The following ARHGAP42 variants were observed in gnomAD, a reference collection of about 807,000 sequenced individuals.
ARHGAP42 encodes the protein Rho GTPase activating protein 42.
ARHGAP42 carries 63 observed loss-of-function variants against 125.0 expected under a neutral mutation model. The ratio of observed to expected loss-of-function variants is 0.50; its 90% CI spans 0.41 to 0.62. ARHGAP42 has a LOEUF of 0.62. ARHGAP42 is among the 20% of genes least tolerant of loss of function. The pLI is 0.00. For missense variants in ARHGAP42, 766 were observed against 1,024.2 expected (o/e 0.75, Z 3.44); for synonymous variants, 339 against 351.0 (o/e 0.97, Z 0.38).
chr11:100,804,563 T>C (rs1172333661), intron 3 of ARHGAP42, among the ~76,000 whole-genome samples: 1 of 151,090 alleles, frequency 6.6e-6, no homozygotes, highest in African/African-American at 2.4e-5. Context: ...TTTTTTTTTT[T>C]AGTCAGAGTC....
At chr11:100,689,511 A>C (rs886222995) in intron 1 of ARHGAP42, among the ~76,000 whole-genome samples, 1 of 152,220 alleles carries the variant, frequency 6.6e-6, no homozygotes, top group African/African-American at 2.4e-5. Flanking sequence ...TGACATGTAC[A>C]TTATATTACG....
intron 3 of ARHGAP42, 56 bp from the exon 4 acceptor site, chr11:100,859,498 A>T: frequency 1.4e-6 from 2 of 1,429,598 alleles, no homozygotes; most frequent in African/African-American, 2.9e-5. Context: ...CCATTTTTTC[A>T]ATGTTGTTGG....
chr11:100,978,553 A>G (rs1051927850), intron 21 of ARHGAP42, among the ~76,000 whole-genome samples: 13 of 150,904 alleles, frequency 8.6e-5, no homozygotes, highest in Non-Finnish European at 1.3e-4. Flanking sequence ...TATTAAAAAA[A>G]TACATCAATA....
At chr11:100,961,790 G>A (rs1842146585) in intron 15 of ARHGAP42, 22 bp downstream of exon 15, 2 of 1,534,576 alleles carry the variant, frequency 1.3e-6, no homozygotes, top group African/African-American at 1.4e-5. Context: ...TTAACTCCTG[G>A]TACTCTGGAT....
At chr11:100,975,687 G>A (rs1046142863) in intron 19 of ARHGAP42, among the ~76,000 whole-genome samples, 14 of 152,222 alleles carry the variant, frequency 9.2e-5, no homozygotes, top group African/African-American at 3.1e-4. Flanking sequence ...TTGATTCCTT[G>A]TAATATCATG....
chr11:100,878,730 G>A (rs978896358), intron 4 of ARHGAP42, among the ~76,000 whole-genome samples: 8 of 152,008 alleles, frequency 5.3e-5, no homozygotes, highest in Admixed American at 3.3e-4. Flanking sequence ...TCCTCTCCCC[G>A]CCAAATTATA....
intron 1 of ARHGAP42, among the ~76,000 whole-genome samples, chr11:100,761,255 A>G (rs1428801819): frequency 6.6e-6 from 1 of 152,134 alleles, no homozygotes. Flanking sequence ...ACAAAGAGAA[A>G]CAGTATTGAG....
At chr11:100,987,719 C>T (rs752189252) in intron 23 of ARHGAP42, 127 bp downstream of exon 23, 95 of 847,332 alleles carry the variant, frequency 1.1e-4, no homozygotes, top group South Asian at 3.9e-4. Flanking sequence ...CCTCTCATAA[C>T]GGGCATGCAT....
intron 3 of ARHGAP42, among the ~76,000 whole-genome samples, chr11:100,825,337 C>T (rs766547012): frequency 6.6e-6 from 1 of 151,934 alleles, no homozygotes; most frequent in East Asian, 1.9e-4. Context: ...GAGGGCATAC[C>T]GATTTAATAA....
At chr11:100,943,916 T>A (rs1867949892) in intron 10 of ARHGAP42, 48 bp downstream of exon 10, 1 of 1,208,908 alleles carries the variant, frequency 8.3e-7, no homozygotes, top group Non-Finnish European at 1.2e-6. Context: ...CTAAACGGTG[T>A]CTCTTTCTGT....
intron 6 of ARHGAP42, 83 bp from the exon 7 acceptor site, chr11:100,933,073 A>G: frequency 1.1e-6 from 1 of 910,150 alleles, no homozygotes; most frequent in Non-Finnish European, 1.6e-6. Context: ...ATTATAATGA[A>G]ATATAATTTT....
chr11:100,823,775 A>C (rs1157110432), intron 3 of ARHGAP42, among the ~76,000 whole-genome samples: 1 of 152,214 alleles, frequency 6.6e-6, no homozygotes, highest in Non-Finnish European at 1.5e-5. Flanking sequence ...AGGTTATCAA[A>C]TATAAACAAT....
intron 1 of ARHGAP42, among the ~76,000 whole-genome samples, chr11:100,723,169 C>A (rs1283310266): frequency 6.6e-6 from 1 of 152,136 alleles, no homozygotes; most frequent in Non-Finnish European, 1.5e-5. Flanking sequence ...CAATATCACA[C>A]AATCTTGAGT....
chr11:100,847,184 C>A (rs576798469), intron 3 of ARHGAP42, among the ~76,000 whole-genome samples: 3 of 152,274 alleles, frequency 2.0e-5, no homozygotes, highest in South Asian at 4.1e-4. Context: ...GGCCTCGATC[C>A]CCTGAATGGC....
rs191915636 is a variant in ARHGAP42, at chr11:100,766,460, C to G, written c.155-3883C>G. 4.5e-3 allele frequency among the ~76,000 whole-genome samples: 689 copies of G among 152,184 alleles called. 3 individuals are homozygous for G. The highest frequency in any genetic ancestry group is 7.1e-3 in the Non-Finnish European group (482 of 68,022). On this transcript the variant is annotated intron_variant, in intron 1 of 23. Transcript: ENST00000298815. ...ATTTATTAGGTTTTAAAATCAAGGCCTTTCTATTATGATATGGATGAACTT... is the reference window on the plus strand; with the variant it reads ...ATTTATTAGGTTTTAAAATCAAGGCGTTTCTATTATGATATGGATGAACTT...
intron 1 of ARHGAP42, among the ~76,000 whole-genome samples, chr11:100,715,003 T>C (rs1389967608): frequency 7.1e-6 from 1 of 140,942 alleles, no homozygotes; most frequent in Non-Finnish European, 1.5e-5. Context: ...GAGCTGTGAT[T>C]GCACCACTTC....
intron 1 of ARHGAP42, among the ~76,000 whole-genome samples, chr11:100,765,661 G>T (rs1056092565): frequency 5.3e-5 from 8 of 152,130 alleles, no homozygotes; most frequent in African/African-American, 1.4e-4. Context: ...ACCCCTACTG[G>T]ACTGTGCCCT....
chr11:100,725,402 C>T (rs907820947), intron 1 of ARHGAP42, among the ~76,000 whole-genome samples: 3 of 151,794 alleles, frequency 2.0e-5, no homozygotes, highest in African/African-American at 7.3e-5. Flanking sequence ...AACTCCTGAC[C>T]TTGTGATCTG....
At chr11:100,890,003 G>A (rs1365358873) in intron 4 of ARHGAP42, among the ~76,000 whole-genome samples, 2 of 152,098 alleles carry the variant, frequency 1.3e-5, no homozygotes, top group East Asian at 3.9e-4. Flanking sequence ...GTTCTCTGTC[G>A]GAAGTGAAGT....
Sources: allele counts gnomAD v4.1 joint callset (sites outside exome capture counted in the v4.1 genomes callset), GRCh38; gene constraint gnomAD v4.1.1; transcripts MANE v1.5; gene names NCBI Gene and HGNC (gene_info 2026-07-23, HGNC 2026-07-21).